Variants in MBOAT2 observed in about 807,000 individuals in gnomAD.
MBOAT2 encodes the protein membrane-bound glycerophospholipid O-acyltransferase 2.
In MBOAT2, 28 loss-of-function variants were observed where a neutral mutation model predicts 63.4. That is an observed-to-expected ratio of 0.44 (90% CI 0.33 to 0.61). MBOAT2 has a LOEUF of 0.61. Among genes scored for constraint, MBOAT2 ranks in the 20% least tolerant of loss-of-function variants. MBOAT2 has a pLI of 0.03. For missense variants in MBOAT2, 470 were observed against 605.8 expected, an observed-to-expected ratio of 0.78 and a Z score of 2.35; for synonymous variants, 211 against 215.6, an observed-to-expected ratio of 0.98 and a Z score of 0.19.
At chr2:8,934,955 C>T (rs1667558447) in intron 3 of MBOAT2, among the ~76,000 whole-genome samples, 2 of 152,160 alleles carry the variant, frequency 1.3e-5, no homozygotes, top group South Asian at 4.1e-4. Flanking sequence ...ACATTTCTAT[C>T]TAGGAAGCCA....
At chr2:8,872,591 T>C (rs759712711) in intron 8 of MBOAT2, among the ~76,000 whole-genome samples, 2 of 152,182 alleles carry the variant, frequency 1.3e-5, no homozygotes, top group Non-Finnish European at 2.9e-5. Context: ...CCACATTCAA[T>C]TAAAGCCACG....
rs534766762 is a variant in MBOAT2 at position 8,990,168 on chromosome 2, G to A, written c.75+13372C>T. On this transcript the variant is annotated intron_variant, in intron 1 of 12. Transcript: ENST00000305997. ...GCCTGGCAATCAATAAATACTGAAT[G>A]AGCTAGGCTGTCCCTTCTTTACACT... Among the ~76,000 whole-genome samples the A allele has an allele frequency of 4.6e-5, 7 of 152,292 alleles. No individual in the cohort carries two copies. In the East Asian group the frequency reaches 1.3e-3, roughly 29 times the overall value.
At position 8,889,307 on chromosome 2, in the gene MBOAT2, T is replaced by C. The variant is rs73149376; in HGVS notation, c.396-1234A>G. On this transcript the variant is annotated intron_variant, in intron 4 of 12. Coordinates refer to ENST00000305997, the MANE Select transcript of MBOAT2 (RefSeq NM_138799.4). ...CGGCAGCAAGGGTTTGCTTTAAACA[T>C]TCCTACCACTGGAAATTTGATTCAC... Among the ~76,000 whole-genome samples, 488 of 152,350 alleles carry C rather than the reference T, an allele frequency of 3.2e-3. 2 individuals carry two copies. Among genetic ancestry groups the C allele is most frequent in the African/African-American group, 0.011 (465 of 41,584 alleles).
At chr2:8,980,176 C>G (rs922341220) in intron 1 of MBOAT2, among the ~76,000 whole-genome samples, 2 of 152,132 alleles carry the variant, frequency 1.3e-5, no homozygotes. Flanking sequence ...AAATATTACT[C>G]TTGCCCTCAC....
rs1033361856 is a variant in MBOAT2, at chr2:8,855,075, G to A, written c.*3604C>T. 3.9e-5 allele frequency: 6 copies of A among 152,350 alleles called. No individual in the cohort carries two copies. The highest frequency in any genetic ancestry group is 1.2e-4 in the African/African-American group (5 of 41,582). The allele number at this position is 152,350 out of a possible 1,614,324, so 9.4% of individuals were successfully genotyped here. On this transcript the variant is annotated 3_prime_UTR_variant, in exon 13 of 13. Coordinates refer to ENST00000305997, the MANE Select transcript of MBOAT2 (RefSeq NM_138799.4). ...GTAAGAGCTATTGCCAGTAGAAAAA[G>A]TATGTTGCCATGCCTTCTGATTTAA...
At chr2:8,878,802 C>T (rs986601610) in intron 6 of MBOAT2, among the ~76,000 whole-genome samples, 3 of 152,150 alleles carry the variant, frequency 2.0e-5, no homozygotes, top group South Asian at 2.1e-4. Flanking sequence ...CTTGGCCGGG[C>T]GCGGTGGCTC....
At chr2:8,883,368 A>C (rs1378797795) in intron 5 of MBOAT2, among the ~76,000 whole-genome samples, 1 of 152,210 alleles carries the variant, frequency 6.6e-6, no homozygotes, top group Non-Finnish European at 1.5e-5. Context: ...ATAAATCATT[A>C]CATGTACATT....
chr2:8,876,986 C>A (rs373880976), intron 7 of MBOAT2, 44 bp downstream of exon 7: 112 of 1,517,082 alleles, frequency 7.4e-5, no homozygotes, highest in Non-Finnish European at 9.3e-5. Flanking sequence ...ATAAGACTAA[C>A]CAATACATGC....
intron 9 of MBOAT2, among the ~76,000 whole-genome samples, chr2:8,865,274 AT>A (rs908212899): frequency 1.3e-5 from 2 of 152,056 alleles, no homozygotes; most frequent in African/African-American, 4.8e-5. Flanking sequence ...CCCCATCTAT[AT>A]CTCTGGTCCT....
chr2:8,993,760 C>T (rs184231675), intron 1 of MBOAT2, among the ~76,000 whole-genome samples: 4 of 152,314 alleles, frequency 2.6e-5, no homozygotes, highest in African/African-American at 7.2e-5. Context: ...GCAGTACCTC[C>T]GCTGTACCCT....
rs1421332302 is a variant in MBOAT2 at position 9,002,075 on chromosome 2, GCAAGAATCCTCCGCGGGGC to G, written c.75+1446_75+1464del. ...ACTGCACACCAGTGTGGAAATGTCAGCAAGAATCCTCCGCGGGGCCGGGAGGATGAAAAACCCTAAATTC... is the reference window on the plus strand; with the variant it reads ...ACTGCACACCAGTGTGGAAATGTCAGCGGGAGGATGAAAAACCCTAAATTC... On this transcript the variant is annotated intron_variant, in intron 1 of 12. Transcript: ENST00000305997. 6.8e-3 allele frequency among the ~76,000 whole-genome samples: 1,039 copies of G among 152,276 alleles called. 18 individuals are homozygous for G. The highest frequency in any genetic ancestry group is 0.024 in the African/African-American group (996 of 41,534).
At chr2:8,977,534 A>G (rs1346497316) in intron 1 of MBOAT2, among the ~76,000 whole-genome samples, 2 of 152,122 alleles carry the variant, frequency 1.3e-5, no homozygotes, top group Non-Finnish European at 2.9e-5. Flanking sequence ...GACCTTAAAG[A>G]CCATCCTGTC....
chr2:8,956,550 G>A (rs959634781), intron 2 of MBOAT2, among the ~76,000 whole-genome samples: 9 of 151,994 alleles, frequency 5.9e-5, no homozygotes, highest in Non-Finnish European at 8.8e-5. Context: ...AAAATTAGCC[G>A]GGTGTGGTGG....
chr2:8,873,329 AC>A, intron 7 of MBOAT2, 29 bp from the exon 8 acceptor site: 1 of 1,599,984 alleles, frequency 6.3e-7, no homozygotes, highest in Non-Finnish European at 8.5e-7. Flanking sequence ...GACTTCATCA[AC>A]TTTATCCATG....
At position 8,853,385 on chromosome 2, in the gene MBOAT2, G is replaced by C. The variant is rs567860740; in HGVS notation, c.*5294C>G. On this transcript the variant is annotated 3_prime_UTR_variant, in exon 13 of 13. Transcript: ENST00000305997. ...ACCAAAAATACATAAAATTGGGAAA[G>C]AGGCATATTTAAAAAGTCTGTCAAA... is the stretch of plus-strand genomic sequence containing the variant. The C allele has an allele frequency of 6.6e-6, 1 of 152,348 alleles. No individual in the cohort carries two copies. Among genetic ancestry groups the C allele is most frequent in the South Asian group, 2.1e-4 (1 of 4,832 alleles). 9.4% of individuals were successfully genotyped at this position (152,348 alleles called of 1,614,324 possible). A position where few individuals can be genotyped will look rare whatever the true frequency, so the allele number is the denominator to read the frequency against.
At chr2:8,860,465 T>C (rs1362946549) in intron 12 of MBOAT2, 148 bp downstream of exon 12, 1 of 745,538 alleles carries the variant, frequency 1.3e-6, no homozygotes, top group African/African-American at 1.8e-5. Flanking sequence ...TGAGACTTGC[T>C]TGGTTCAGAA....
At chr2:8,864,062 A>T in intron 10 of MBOAT2, 108 bp downstream of exon 10, 1 of 720,048 alleles carries the variant, frequency 1.4e-6, no homozygotes, top group Non-Finnish European at 2.3e-6. Flanking sequence ...CTGAGGTCAC[A>T]ATGTCACTCA....
intron 4 of MBOAT2, among the ~76,000 whole-genome samples, chr2:8,891,977 A>G (rs13408795): frequency 0.018 from 2,786 of 152,386 alleles, 30 homozygotes; most frequent in Middle Eastern, 0.037. Context: ...ATTCAGCTGA[A>G]GTAAAAACTC....
At chr2:8,956,658 C>G (rs111998932) in intron 2 of MBOAT2, among the ~76,000 whole-genome samples, 78 of 152,324 alleles carry the variant, frequency 5.1e-4, no homozygotes, top group African/African-American at 1.7e-3. Flanking sequence ...GATCATGTCA[C>G]TGCACTCCAG....
Sources: gnomAD v4.1 joint callset for allele counts (sites outside exome capture counted in the v4.1 genomes callset) on GRCh38, gnomAD v4.1.1 for gene constraint, MANE v1.5 for transcripts, NCBI Gene and HGNC (gene_info 2026-07-23, HGNC 2026-07-21) for gene names.